Variants in GAS7 observed in about 807,000 individuals in gnomAD.
GAS7 encodes the protein growth arrest-specific protein 7.
In GAS7, 28 loss-of-function variants were observed where a neutral mutation model predicts 71.1. That is an observed-to-expected ratio of 0.39 (90% CI 0.29 to 0.54). GAS7 has a LOEUF of 0.54. Among genes scored for constraint, GAS7 ranks in the 20% least tolerant of loss-of-function variants. The pLI is 0.62. For synonymous variants in GAS7, 258 were observed against 245.8 expected, an observed-to-expected ratio of 1.05 and a Z score of -0.46; for missense variants, 436 against 627.8, an observed-to-expected ratio of 0.69 and a Z score of 3.27.
chr17:9,995,473 C>G (rs2071004122), intron 2 of GAS7, among the ~76,000 whole-genome samples: 1 of 150,194 alleles, frequency 6.7e-6, no homozygotes, highest in Admixed American at 6.7e-5. Context: ...GTGAGCAGCC[C>G]AGTTTAAAAA....
At chr17:10,180,088 C>T (rs1276311887) in intron 1 of GAS7, among the ~76,000 whole-genome samples, 2 of 152,068 alleles carry the variant, frequency 1.3e-5, no homozygotes, top group Non-Finnish European at 2.9e-5. Flanking sequence ...TGGCTGTTAT[C>T]CCAGCACTCT....
At chr17:10,107,250 C>T (rs1010159777) in intron 1 of GAS7, among the ~76,000 whole-genome samples, 1 of 152,258 alleles carries the variant, frequency 6.6e-6, no homozygotes, top group Non-Finnish European at 1.5e-5. Context: ...CTTCCTCTTA[C>T]ATAACACTAC....
chr17:10,093,355 A>C (rs982479195), intron 1 of GAS7, among the ~76,000 whole-genome samples: 1 of 151,836 alleles, frequency 6.6e-6, no homozygotes, highest in Non-Finnish European at 1.5e-5. Flanking sequence ...GCAGATCACA[A>C]GGTCAACAGA....
At chr17:10,160,763 G>T (rs143801020) in intron 1 of GAS7, among the ~76,000 whole-genome samples, 1 of 152,236 alleles carries the variant, frequency 6.6e-6, no homozygotes, top group East Asian at 1.9e-4. Context: ...GAATAGCAGT[G>T]GCTTCACACA....
At chr17:10,056,774 C>T (rs987673682) in intron 1 of GAS7, among the ~76,000 whole-genome samples, 1 of 150,756 alleles carries the variant, frequency 6.6e-6, no homozygotes, top group African/African-American at 2.5e-5. Flanking sequence ...TCCCCACGAT[C>T]TCCCTCTCCC....
intron 1 of GAS7, among the ~76,000 whole-genome samples, chr17:10,062,932 G>A (rs1462188486): frequency 6.6e-6 from 1 of 152,244 alleles, no homozygotes; most frequent in Non-Finnish European, 1.5e-5. Context: ...GAGGCCTGCA[G>A]TACTTGGGGC....
chr17:10,102,299 T>C (rs2073710156), intron 1 of GAS7, among the ~76,000 whole-genome samples: 1 of 150,170 alleles, frequency 6.7e-6, no homozygotes, highest in Non-Finnish European at 1.5e-5. Context: ...AGGTGACCCC[T>C]GAATTATGCT....
At chr17:10,113,736 A>G (rs985944105) in intron 1 of GAS7, among the ~76,000 whole-genome samples, 31 of 152,140 alleles carry the variant, frequency 2.0e-4, no homozygotes, top group African/African-American at 7.2e-4. Flanking sequence ...GAAACTGATC[A>G]CTTGTTTGCC....
At chr17:10,126,683 G>A (rs1183402285) in intron 1 of GAS7, among the ~76,000 whole-genome samples, 2 of 152,138 alleles carry the variant, frequency 1.3e-5, no homozygotes, top group African/African-American at 4.8e-5. Flanking sequence ...CCTGAGAAGT[G>A]CCCAGAATTC....
chr17:10,181,138 C>G lies in GAS7; in HGVS notation c.183+17070G>C, dbSNP rs556038310. Among the ~76,000 whole-genome samples the G allele has an allele frequency of 1.1e-4, 16 of 146,242 alleles. 1 individual carries two copies. In the East Asian group the frequency reaches 1.6e-3, roughly 14 times the overall value. On this transcript the variant is annotated intron_variant, in intron 1 of 13. Transcript: ENST00000432992. The stretch of plus-strand genomic sequence containing the variant: ...GCACTTTGGGAGGCCAAGGCGGGCA[C>G]ATCACGAGGTCAGGAGATCGAGACC...
chr17:10,155,418 G>C (rs1199288516), intron 1 of GAS7, among the ~76,000 whole-genome samples: 1 of 152,122 alleles, frequency 6.6e-6, no homozygotes, highest in Non-Finnish European at 1.5e-5. Context: ...CATGTTTTCA[G>C]GCTCACCCCC....
At chr17:10,192,477 C>T (rs2074509815) in intron 1 of GAS7, among the ~76,000 whole-genome samples, 1 of 152,160 alleles carries the variant, frequency 6.6e-6, no homozygotes, top group African/African-American at 2.4e-5. Context: ...TGTTCACAGA[C>T]AAGGTCTACC....
At chr17:10,065,983 T>C (rs1260917532) in intron 1 of GAS7, among the ~76,000 whole-genome samples, 2 of 151,530 alleles carry the variant, frequency 1.3e-5, no homozygotes, top group African/African-American at 4.8e-5. Context: ...AGGAGGTCTA[T>C]CCGGAGCTCA....
At chr17:10,029,150 T>G (rs746908056) in intron 1 of GAS7, among the ~76,000 whole-genome samples, 1 of 152,152 alleles carries the variant, frequency 6.6e-6, no homozygotes, top group Non-Finnish European at 1.5e-5. Flanking sequence ...GGAAGACCAG[T>G]GCAAGAATAA....
intron 6 of GAS7, 64 bp from the exon 7 acceptor site, chr17:9,943,300 C>T (rs1016846517): frequency 1.6e-4 from 153 of 957,490 alleles, no homozygotes; most frequent in Middle Eastern, 4.2e-4. Flanking sequence ...GGGAGAATGG[C>T]GTAGAGGGAG....
chr17:9,934,076 G>C (rs1354590042), intron 9 of GAS7, 90 bp downstream of exon 9: 2 of 892,638 alleles, frequency 2.2e-6, no homozygotes, highest in Non-Finnish European at 3.8e-6. Flanking sequence ...AGGGAAAATG[G>C]CAAACGGCAA....
intron 12 of GAS7, among the ~76,000 whole-genome samples, chr17:9,918,601 C>T (rs2067677566): frequency 6.6e-6 from 1 of 152,206 alleles, no homozygotes; most frequent in African/African-American, 2.4e-5. Flanking sequence ...GCCACACATT[C>T]CTGGGACCTT....
At chr17:10,021,314 G>C (rs988498309) in intron 1 of GAS7, among the ~76,000 whole-genome samples, 1 of 152,164 alleles carries the variant, frequency 6.6e-6, no homozygotes, top group African/African-American at 2.4e-5. Flanking sequence ...ATAACAGAAT[G>C]AAAGAGAGCA....
intron 1 of GAS7, among the ~76,000 whole-genome samples, chr17:10,187,507 G>A (rs1000244171): frequency 1.3e-5 from 2 of 152,048 alleles, no homozygotes; most frequent in African/African-American, 2.4e-5. Context: ...TCAGTTACTC[G>A]CTTTGCTCAT....
Sources: allele counts gnomAD v4.1 joint callset (sites outside exome capture counted in the v4.1 genomes callset), GRCh38; gene constraint gnomAD v4.1.1; transcripts MANE v1.5; gene names NCBI Gene and HGNC (gene_info 2026-07-23, HGNC 2026-07-21).